Variants in ETFDH observed in about 807,000 individuals in gnomAD.
ETFDH encodes the protein electron transfer flavoprotein dehydrogenase.
In ETFDH, 61 loss-of-function variants were observed where a neutral mutation model predicts 73.2. The observed-to-expected ratio is 0.83, with a 90% CI of 0.68 to 1.03. The LOEUF (loss-of-function observed/expected upper bound fraction) is 1.03. ETFDH is among the 50% of genes least tolerant of loss of function. ETFDH has a pLI of 0.00. For missense variants in ETFDH, 685 were observed against 745.0 expected, an observed-to-expected ratio of 0.92 and a Z score of 0.94; for synonymous variants, 243 against 253.3, an observed-to-expected ratio of 0.96 and a Z score of 0.39.
At chr4:158,680,440 A>T (rs1773822723) in intron 1 of ETFDH, 27 bp from the exon 2 acceptor site, 2 of 1,569,142 alleles carry the variant, frequency 1.3e-6, no homozygotes, top group Non-Finnish European at 1.8e-6. Context: ...TTTAAGGAAG[A>T]TAATAATTTT....
chr4:158,690,049 G>A (rs1774122458), intron 5 of ETFDH, among the ~76,000 whole-genome samples: 1 of 152,034 alleles, frequency 6.6e-6, no homozygotes, highest in Non-Finnish European at 1.5e-5. Context: ...ACATCTGAAG[G>A]GCACTTCTTG....
At chr4:158,695,182 A>G (rs1257920560) in intron 6 of ETFDH, among the ~76,000 whole-genome samples, 1 of 152,230 alleles carries the variant, frequency 6.6e-6, no homozygotes, top group Non-Finnish European at 1.5e-5. Context: ...AGCTGGAAAC[A>G]GTGAATGGCT....
At chr4:158,707,419 C>T (rs572206626) in intron 12 of ETFDH, among the ~76,000 whole-genome samples, 1 of 152,244 alleles carries the variant, frequency 6.6e-6, no homozygotes, top group African/African-American at 2.4e-5. Context: ...TTGAAAACTC[C>T]CTGAGGTTAA....
chr4:158,697,474 A>G, intron 7 of ETFDH, 85 bp from the exon 8 acceptor site: 1 of 1,132,598 alleles, frequency 8.8e-7, no homozygotes, highest in East Asian at 2.4e-5. Context: ...AAGACATTAA[A>G]CCTGGCAAGT....
intron 1 of ETFDH, among the ~76,000 whole-genome samples, chr4:158,676,948 A>G (rs188328025): frequency 2.6e-5 from 4 of 152,364 alleles, no homozygotes; most frequent in Non-Finnish European, 2.9e-5. Flanking sequence ...TGTATTCTAA[A>G]TATAAGTCCA....
At chr4:158,704,713 C>T (rs976504575) in intron 10 of ETFDH, among the ~76,000 whole-genome samples, 2 of 152,140 alleles carry the variant, frequency 1.3e-5, no homozygotes, top group African/African-American at 4.8e-5. Flanking sequence ...GGTAGCGACT[C>T]CATAGATATT....
At chr4:158,682,781 C>G (rs1773898681) in intron 3 of ETFDH, among the ~76,000 whole-genome samples, 2 of 152,106 alleles carry the variant, frequency 1.3e-5, no homozygotes, top group African/African-American at 4.8e-5. Flanking sequence ...GCGATCCACC[C>G]ACCTTGGCCT....
chr4:158,699,604 A>G (rs1291026924), intron 9 of ETFDH, among the ~76,000 whole-genome samples: 1 of 152,212 alleles, frequency 6.6e-6, no homozygotes, highest in African/African-American at 2.4e-5. Flanking sequence ...ATTGATCTCT[A>G]GAGATAAATT....
chr4:158,684,824 A>G (rs1773960700), intron 4 of ETFDH, 151 bp downstream of exon 4: 1 of 653,074 alleles, frequency 1.5e-6, no homozygotes, highest in Non-Finnish European at 2.8e-6. Flanking sequence ...GCTGGTGGGA[A>G]AGCAGGACTA....
intron 12 of ETFDH, 46 bp from the exon 13 acceptor site, chr4:158,708,318 T>G (rs746380258): frequency 1.4e-5 from 20 of 1,464,020 alleles, no homozygotes; most frequent in Non-Finnish European, 1.9e-5. Flanking sequence ...AATTTAAAAA[T>G]TTTTTAAAGT....
intron 7 of ETFDH, 80 bp downstream of exon 7, chr4:158,695,723 CTGATTT>C: frequency 1.1e-6 from 1 of 935,118 alleles, no homozygotes; most frequent in Non-Finnish European, 1.7e-6. Context: ...GTTTATAATA[CTGATTT>C]AATTTTAGTT....
chr4:158,675,876 T>C (rs185164686), intron 1 of ETFDH, among the ~76,000 whole-genome samples: 96 of 152,216 alleles, frequency 6.3e-4, no homozygotes, highest in African/African-American at 2.2e-3. Flanking sequence ...ACATGAAAAC[T>C]CTATGTTTAA....
At chr4:158,704,184 T>C (rs1774545502) in intron 10 of ETFDH, among the ~76,000 whole-genome samples, 1 of 152,242 alleles carries the variant, frequency 6.6e-6, no homozygotes, top group South Asian at 2.1e-4. Context: ...TTATATTGCA[T>C]ACATGTAATA....
intron 1 of ETFDH, among the ~76,000 whole-genome samples, chr4:158,674,834 G>A (rs1334070395): frequency 6.6e-6 from 1 of 152,082 alleles, no homozygotes; most frequent in African/African-American, 2.4e-5. Flanking sequence ...CTATCTGCTG[G>A]AGAATACAGA....
rs754418186 is a variant in ETFDH at position 158,699,120 on chromosome 4, G to A, written c.1106G>A (p.Gly369Asp). Reference protein sequence around the residue: ...IAYGARALNEGGFQSIPKLTF... With the variant: ...IAYGARALNEDGFQSIPKLTF... ...TACGGAGCCAGAGCTCTCAATGAAG[G>A]TGGCTTTCAGGTAACTCTTCCAACT... is the stretch of plus-strand genomic sequence containing the variant. The change falls in exon 9 of 13, where the codon GGT (glycine) becomes GAT (aspartate). Residue 369 changes from glycine to aspartate, a missense_variant. Physicochemically the swap from Gly to Asp is moderately conservative, Grantham distance 94. This residue lies in a region of ETFDH where 79 missense variants were observed against 120.5 expected (regional missense o/e 0.66). Coordinates refer to ENST00000511912, the MANE Select transcript of ETFDH (RefSeq NM_004453.4). The A allele has an allele frequency of 1.5e-5, 24 of 1,613,794 alleles. No individual in the cohort carries two copies. The highest frequency in any genetic ancestry group is 2.0e-5 in the Non-Finnish European group (24 of 1,179,756).
At chr4:158,695,442 G>A in intron 6 of ETFDH, 55 bp from the exon 7 acceptor site, 1 of 1,440,250 alleles carries the variant, frequency 6.9e-7, no homozygotes, top group Non-Finnish European at 9.8e-7. Flanking sequence ...TGACCAGAAT[G>A]TGAATGTATT....
At chr4:158,690,175 TGGAA>T (rs1774125867) in intron 5 of ETFDH, among the ~76,000 whole-genome samples, 169 bp from the exon 6 acceptor site, 1 of 152,214 alleles carries the variant, frequency 6.6e-6, no homozygotes, top group South Asian at 2.1e-4. Context: ...TTTAATACTC[TGGAA>T]GGGAGTACCT....
In ETFDH at chr4:158,695,540, T is replaced by C. The variant is rs1397900640; in HGVS notation, c.728T>C (p.Ile243Thr). Reference protein sequence around the residue: ...RGLELHAKVTIFAEGCHGHLA... With the variant: ...RGLELHAKVTTFAEGCHGHLA... ...CTGGAACTACATGCTAAAGTCACAATTTTTGCAGAAGGTTGCCATGGACAT... is the reference window on the plus strand; with the variant it reads ...CTGGAACTACATGCTAAAGTCACAACTTTTGCAGAAGGTTGCCATGGACAT... Residue 243 changes from isoleucine (I) to threonine (T), a missense_variant, in exon 7 of 13, where the codon ATT becomes ACT. Transcript: ENST00000511912. 3.7e-6 allele frequency: 6 copies of C among 1,613,100 alleles called. No homozygotes were observed. The highest frequency in any genetic ancestry group is 4.2e-6 in the Non-Finnish European group (5 of 1,179,318).
intron 1 of ETFDH, 28 bp downstream of exon 1, chr4:158,672,518 G>A: frequency 6.2e-7 from 1 of 1,613,464 alleles, no homozygotes. Context: ...GTGGGGATAA[G>A]TGGAGGAGTT....
Sources: allele counts gnomAD v4.1 joint callset (sites outside exome capture counted in the v4.1 genomes callset), GRCh38; gene constraint gnomAD v4.1.1; regional missense constraint gnomAD v4.1.1; transcripts MANE v1.5; gene names NCBI Gene and HGNC (gene_info 2026-07-23, HGNC 2026-07-21).